APOBEC3B: variants seen among roughly 807,000 people sequenced by gnomAD.
The protein encoded by APOBEC3B is apolipoprotein B mRNA editing enzyme catalytic subunit 3B.
APOBEC3B carries 29 observed loss-of-function variants against 53.4 expected under a neutral mutation model. The observed-to-expected ratio is 0.54, with a 90% CI of 0.40 to 0.74. APOBEC3B has a LOEUF of 0.74. Ranked by LOEUF, APOBEC3B falls within the 30% of genes least tolerant of loss-of-function variation. The probability of loss-of-function intolerance (pLI) is 0.00; values close to 1 mark genes in which losing one functional copy is unlikely to be tolerated. For missense variants in APOBEC3B, 347 were observed against 496.2 expected, an observed-to-expected ratio of 0.70 and a Z score of 2.86; for synonymous variants, 132 against 184.8, an observed-to-expected ratio of 0.71 and a Z score of 2.32.
chr22:38,986,116 G>A (rs1923728171), intron 3 of APOBEC3B, 25 bp downstream of exon 3: 1 of 1,587,298 alleles, frequency 6.3e-7, no homozygotes, highest in African/African-American at 1.3e-5. Context: ...GGTCAGGGGA[G>A]CGTGAGCGGG....
At chr22:38,982,722 T>C (rs1455119953) in intron 1 of APOBEC3B, among the ~76,000 whole-genome samples, 1 of 148,156 alleles carries the variant, frequency 6.7e-6, no homozygotes, top group Non-Finnish European at 1.5e-5. Context: ...CTTAAAGTCA[T>C]GCCCGGACTG....
chr22:38,988,997 C>T (rs1004959740), intron 4 of APOBEC3B, among the ~76,000 whole-genome samples: 4 of 147,354 alleles, frequency 2.7e-5, no homozygotes, highest in Non-Finnish European at 4.5e-5. Flanking sequence ...GGCTCCTCTC[C>T]CCAATGATCC....
At chr22:38,988,682 T>TCG (rs1923840921) in intron 4 of APOBEC3B, among the ~76,000 whole-genome samples, 1 of 4,092 alleles carries the variant, frequency 2.4e-4, no homozygotes, top group African/African-American at 3.4e-3. Flanking sequence ...TTTCTCTCTT[T>TCG]CTCTTTCTTT....
intron 2 of APOBEC3B, among the ~76,000 whole-genome samples, chr22:38,984,665 G>C (rs1180947749): frequency 1.3e-5 from 2 of 148,178 alleles, no homozygotes; most frequent in Non-Finnish European, 3.0e-5. Context: ...AGGGGTGTGG[G>C]GGTGGTGTCT....
intron 5 of APOBEC3B, among the ~76,000 whole-genome samples, chr22:38,989,904 CAG>C (rs1569039661): frequency 3.4e-5 from 5 of 148,746 alleles, no homozygotes; most frequent in African/African-American, 1.2e-4. Flanking sequence ...TTTGAGGACT[CAG>C]GGCCTACCTG....
In APOBEC3B at chr22:38,982,582, C is replaced by T; in HGVS notation, c.17+112C>T. 34 of 1,313,980 alleles carry T rather than the reference C, an allele frequency of 2.6e-5. 1 individual carries two copies. The highest frequency in any genetic ancestry group is 3.6e-5 in the Non-Finnish European group (34 of 940,820). The allele number at this position is 1,313,980 out of a possible 1,614,324, so 81.4% of individuals were successfully genotyped here. Reference sequence around the variant, plus strand: ...CCCCTGCCCCAGCCCTGGGCTCCCTCCCCTCTGGCTCCCCTGCCACACGAA... The same window carrying T: ...CCCCTGCCCCAGCCCTGGGCTCCCTTCCCTCTGGCTCCCCTGCCACACGAA... On this transcript the variant is annotated intron_variant, in intron 1 of 7. Coordinates refer to ENST00000333467, the MANE Select transcript of APOBEC3B (RefSeq NM_004900.5).
In APOBEC3B at chr22:38,986,102, G is replaced by C. The variant is rs756003530; in HGVS notation, c.454+11G>C. 5.8e-5 allele frequency: 92 copies of C among 1,591,336 alleles called. 7 individuals are homozygous for C. The highest frequency in any genetic ancestry group is 7.5e-5 in the Non-Finnish European group (88 of 1,171,676). ...TCATGGACTATGAAGGTGAGAGGTGGAGGGGTCAGGGGAGCGTGAGCGGGA... is the reference window on the plus strand; with the variant it reads ...TCATGGACTATGAAGGTGAGAGGTGCAGGGGTCAGGGGAGCGTGAGCGGGA... On this transcript the variant is annotated intron_variant, in intron 3 of 7. Coordinates refer to ENST00000333467, the MANE Select transcript of APOBEC3B (RefSeq NM_004900.5).
chr22:38,986,481 G>A, intron 4 of APOBEC3B, 69 bp downstream of exon 4: 1 of 1,533,122 alleles, frequency 6.5e-7, no homozygotes, highest in Non-Finnish European at 8.8e-7. Flanking sequence ...GCCTCCGTTG[G>A]CCTGGCCCTC....
intron 4 of APOBEC3B, among the ~76,000 whole-genome samples, chr22:38,988,677 C>CTCTTTCTCTCTTTCTCTCCT: frequency 1.5e-4 from 1 of 6,556 alleles, no homozygotes; most frequent in African/African-American, 1.6e-3. Context: ...CTCTCTTTCT[C>CTCTTTCTCTCTTTCTCTCCT]TCTTTCTCTT....
Position 38,992,158 on chromosome 22 carries a change from T to C in APOBEC3B, c.1134+9T>C, listed in dbSNP as rs200130268. On this transcript the variant is annotated intron_variant, in intron 7 of 7. Transcript: ENST00000333467. ...TGCGGGCCATTCTCCAGGTGAGGGC[T>C]TCCTCCCTCTGCCTGGTGCCCCATC... is the stretch of plus-strand genomic sequence containing the variant. 6 of 1,590,766 alleles carry C rather than the reference T, an allele frequency of 3.8e-6. No homozygotes were observed. The African/African-American group carries it at 8.1e-5, about 21-fold the overall frequency.
chr22:38,984,630 A>C (rs113113234), intron 2 of APOBEC3B, among the ~76,000 whole-genome samples: 1 of 148,422 alleles, frequency 6.7e-6, no homozygotes, highest in African/African-American at 2.4e-5. Flanking sequence ...AAATTTTTTT[A>C]AAATTTTCTT....
chr22:38,984,205 T>C lies in APOBEC3B; in HGVS notation c.148T>C (p.Trp50Arg), dbSNP rs1196238406. 3.1e-6 allele frequency: 5 copies of C among 1,592,516 alleles called. No homozygotes were observed. The highest frequency in any genetic ancestry group is 3.3e-4 in the Middle Eastern group (2 of 5,982). Reference sequence around the variant, plus strand: ...AAAGAGGGGCCGCTCAAATCTCCTTTGGGACACAGGGGTCTTTCGAGGCCA... The same window carrying C: ...AAAGAGGGGCCGCTCAAATCTCCTTCGGGACACAGGGGTCTTTCGAGGCCA... ...KIKRGRSNLL[W>R]DTGVFRGQVY... Residue 50 changes from tryptophan (W) to arginine (R), a missense_variant, in exon 2 of 8, where the codon TGG (tryptophan) becomes CGG (arginine). This residue lies in a region of APOBEC3B where 73 missense variants were observed against 90.9 expected (regional missense o/e 0.80). Coordinates refer to ENST00000333467, the MANE Select transcript of APOBEC3B (RefSeq NM_004900.5).
At chr22:38,984,487 G>T (rs1183637932) in intron 2 of APOBEC3B, among the ~76,000 whole-genome samples, 2 of 149,016 alleles carry the variant, frequency 1.3e-5, no homozygotes, top group Non-Finnish European at 3.0e-5. Context: ...ATAACTTGGG[G>T]CCTTCTATAG....
chr22:38,983,554 C>T lies in APOBEC3B; in HGVS notation c.18-521C>T, dbSNP rs1435639856. ...GGCAGGTTACCCCGCCTCTCTGTGC[C>T]TCTGGCATCTCCTCTGTAAGATGGG... On this transcript the variant is annotated intron_variant, in intron 1 of 7. Transcript: ENST00000333467. Among the ~76,000 whole-genome samples the T allele has an allele frequency of 2.0e-5, 3 of 148,678 alleles. 1 individual carries two copies. The highest frequency in any genetic ancestry group is 7.3e-5 in the African/African-American group (3 of 40,862).
chr22:38,988,163 C>T (rs1035817313), intron 4 of APOBEC3B, among the ~76,000 whole-genome samples: 1 of 148,452 alleles, frequency 6.7e-6, no homozygotes, highest in African/African-American at 2.5e-5. Flanking sequence ...CACCCTCAAA[C>T]CCCTGGGGCC....
chr22:38,988,715 T>TTCTTTCTTTCTTTCTA (rs1923857400), intron 4 of APOBEC3B, among the ~76,000 whole-genome samples: 1 of 112,576 alleles, frequency 8.9e-6, no homozygotes. Flanking sequence ...CTTTCTTTCT[T>TTCTTTCTTTCTTTCTA]TCTTTCTTTC....
At chr22:38,986,187 C>T (rs966979769) in intron 3 of APOBEC3B, 96 bp downstream of exon 3, 1 of 1,576,920 alleles carries the variant, frequency 6.3e-7, no homozygotes, top group Non-Finnish European at 8.6e-7. Flanking sequence ...CCCAGGGCAG[C>T]CTGCAGGGGT....
intron 6 of APOBEC3B, 143 bp downstream of exon 6, chr22:38,991,769 G>A: frequency 7.8e-7 from 1 of 1,288,686 alleles, no homozygotes; most frequent in Non-Finnish European, 1.0e-6. Context: ...TGGGAAGAGA[G>A]AGGCCAGGCC....
At position 38,982,508 on chromosome 22, in the gene APOBEC3B, C is replaced by A. The variant is rs1021837508; in HGVS notation, c.17+38C>A. On this transcript the variant is annotated intron_variant, in intron 1 of 7. Coordinates refer to ENST00000333467, the MANE Select transcript of APOBEC3B (RefSeq NM_004900.5). Reference sequence around the variant, plus strand: ...ACTCTGCCTGCTGGGCCCCTCCTGCCCCTTCCTGCCTGGTGGTCCTGCTGG... The same window carrying A: ...ACTCTGCCTGCTGGGCCCCTCCTGCACCTTCCTGCCTGGTGGTCCTGCTGG... The A allele has an allele frequency of 1.1e-5, 18 of 1,591,434 alleles. 2 individuals are homozygous for A. Among genetic ancestry groups the A allele is most frequent in the Non-Finnish European group, 1.5e-5 (18 of 1,171,316 alleles).
Sources: allele counts gnomAD v4.1 joint callset (sites outside exome capture counted in the v4.1 genomes callset), GRCh38; gene constraint gnomAD v4.1.1; regional missense constraint gnomAD v4.1.1; transcripts MANE v1.5; gene names NCBI Gene and HGNC (gene_info 2026-07-23, HGNC 2026-07-21).